ASTN2: variants seen among roughly 807,000 people sequenced by gnomAD.
The protein encoded by ASTN2 is astrotactin-2.
A neutral mutation model predicts 139.8 loss-of-function variants in ASTN2; 54 were observed. The ratio of observed to expected loss-of-function variants is 0.39; its 90% CI spans 0.31 to 0.48. The LOEUF is 0.48. ASTN2 is among the 20% of genes least tolerant of loss of function. The pLI, the probability that ASTN2 is intolerant of heterozygous loss-of-function variation, is 0.95. For synonymous variants in ASTN2, 756 were observed against 719.5 expected (o/e 1.05, Z -0.81); for missense variants, 1,565 against 1,725.1 (o/e 0.91, Z 1.64).
chr9:116,698,705 T>G lies in ASTN2; in HGVS notation c.2806+27066A>C, dbSNP rs773701865. 1.2e-6 allele frequency: 2 copies of G among 1,614,186 alleles called. No homozygotes were observed. The highest frequency in any genetic ancestry group is 2.2e-5 in the South Asian group (2 of 91,086). The stretch of plus-strand genomic sequence containing the variant: ...CGTCTGCTGCCTCTACCTCTGTTAC[T>G]TTTAGAGAGATGGACATGAGCCCGG... On this transcript the variant is annotated intron_variant, in intron 16 of 22. Coordinates refer to ENST00000313400, the MANE Select transcript of ASTN2 (RefSeq NM_001365068.1). This position sits in a 1 kb window ranked among gnomAD's most constrained non-coding sequence, Gnocchi z 4.4.
At chr9:116,748,220 C>T (rs1345147029) in intron 13 of ASTN2, among the ~76,000 whole-genome samples, 1 of 152,096 alleles carries the variant, frequency 6.6e-6, no homozygotes, top group Non-Finnish European at 1.5e-5. Flanking sequence ...GAAGATTAGC[C>T]CTGCCCCAGA....
intron 11 of ASTN2, among the ~76,000 whole-genome samples, chr9:116,850,383 A>G (rs73533350): frequency 0.014 from 2,084 of 152,320 alleles, 57 homozygotes; most frequent in African/African-American, 0.047. Context: ...GCCCAATGTC[A>G]TCAACTAGAA....
rs574142329 is a variant in ASTN2, at chr9:117,041,660, C to A, written c.1277-1695G>T. Among the ~76,000 whole-genome samples the A allele has an allele frequency of 8.5e-4, 130 of 152,292 alleles. 2 individuals are homozygous for A. The highest frequency in any genetic ancestry group is 3.0e-3 in the African/African-American group (125 of 41,562). On this transcript the variant is annotated intron_variant, in intron 5 of 22. Transcript: ENST00000313400. ...CAAGCTGTTTTACAGCATCTGGTTG[C>A]AGGATGTGATCCATATTCATTAGAC...
intron 2 of ASTN2, among the ~76,000 whole-genome samples, 166 bp downstream of exon 2, chr9:117,291,160 A>G (rs1834579949): frequency 1.3e-5 from 2 of 152,252 alleles, no homozygotes; most frequent in African/African-American, 2.4e-5. Context: ...GGTATGCATC[A>G]GTCCAAGTGA....
intron 13 of ASTN2, among the ~76,000 whole-genome samples, chr9:116,751,259 A>G (rs888417082): frequency 3.9e-5 from 6 of 152,224 alleles, no homozygotes; most frequent in African/African-American, 1.4e-4. Context: ...TGGGGTGGTA[A>G]AAGGAACAAT....
intron 3 of ASTN2, among the ~76,000 whole-genome samples, chr9:117,180,072 C>T (rs761545668): frequency 2.0e-5 from 3 of 152,208 alleles, no homozygotes; most frequent in Non-Finnish European, 2.9e-5. Flanking sequence ...TGTATCATCT[C>T]TTGGAGCATG....
intron 16 of ASTN2, among the ~76,000 whole-genome samples, chr9:116,681,312 T>C (rs1261707450): frequency 6.6e-6 from 1 of 152,090 alleles, no homozygotes; most frequent in East Asian, 1.9e-4. Flanking sequence ...GAATCCAACT[T>C]ACAAGGGACG....
chr9:117,382,448 T>C (rs1453818220), intron 1 of ASTN2, among the ~76,000 whole-genome samples: 1 of 152,122 alleles, frequency 6.6e-6, no homozygotes, highest in Non-Finnish European at 1.5e-5. Context: ...ACCAATGAGG[T>C]TGATTATTCA....
rs535095967 is a variant in ASTN2, at chr9:116,723,819, G to A, written c.2806+1952C>T. On this transcript the variant is annotated intron_variant, in intron 16 of 22. Coordinates refer to ENST00000313400, the MANE Select transcript of ASTN2 (RefSeq NM_001365068.1). ...CAATGCATCCTCTGTCCTTTTCTTG[G>A]GAGCAAGTATGGACGATGGAAGCAA... 2.0e-5 allele frequency among the ~76,000 whole-genome samples: 3 copies of A among 152,246 alleles called. No homozygotes were observed. In the East Asian group the frequency reaches 5.8e-4, roughly 29 times the overall value.
At chr9:116,843,725 G>A (rs1225298330) in intron 11 of ASTN2, among the ~76,000 whole-genome samples, 2 of 150,960 alleles carry the variant, frequency 1.3e-5, no homozygotes, top group African/African-American at 4.9e-5. Flanking sequence ...GGCAATAATA[G>A]ACACTGGGGA....
Position 117,141,345 on chromosome 9 carries a change from C to T in ASTN2, c.1149G>A (p.Lys383=). 2 of 1,367,502 alleles carry T rather than the reference C, an allele frequency of 1.5e-6. No individual in the cohort carries two copies. Among genetic ancestry groups the T allele is most frequent in the Non-Finnish European group, 2.0e-6 (2 of 1,021,776 alleles). The allele number at this position is 1,367,502 out of a possible 1,614,324, so 84.7% of individuals were successfully genotyped here. ...PLRSTSAGKR[K]RRSKSRGGIS... ...GCCTACCTCGAGACTTGCTCCTCCG[C>T]TTCCTCTTCCCTGCCGATGTGCTGC... is the stretch of plus-strand genomic sequence containing the variant. Residue 383 remains lysine, a synonymous_variant, in exon 4 of 23, where the codon AAG becomes AAA. Transcript: ENST00000313400.
chr9:116,988,036 G>T (rs1400745942), intron 7 of ASTN2, among the ~76,000 whole-genome samples: 1 of 152,158 alleles, frequency 6.6e-6, no homozygotes, highest in Non-Finnish European at 1.5e-5. Context: ...TTTACTTCTG[G>T]TATTTTCCAT....
chr9:117,161,455 G>A (rs1218968253), intron 3 of ASTN2, among the ~76,000 whole-genome samples: 2 of 152,006 alleles, frequency 1.3e-5, no homozygotes, highest in African/African-American at 4.8e-5. Context: ...GTGCAGTGGT[G>A]CAATCTCGGC....
At chr9:117,069,193 A>T in intron 5 of ASTN2, among the ~76,000 whole-genome samples, 1 of 83,060 alleles carries the variant, frequency 1.2e-5, no homozygotes, top group Non-Finnish European at 2.3e-5. Flanking sequence ...CGTCCCAGAG[A>T]TTCTGGTATG....
intron 5 of ASTN2, among the ~76,000 whole-genome samples, chr9:117,046,585 T>C (rs1838750050): frequency 1.3e-5 from 2 of 152,300 alleles, no homozygotes; most frequent in Admixed American, 6.5e-5. Flanking sequence ...GGCACCTACA[T>C]GGGCATCAGC....
intron 17 of ASTN2, among the ~76,000 whole-genome samples, chr9:116,648,407 C>T (rs950979773): frequency 6.6e-6 from 1 of 152,120 alleles, no homozygotes; most frequent in Non-Finnish European, 1.5e-5. Flanking sequence ...GCTGGGATTA[C>T]AGGCGTGAAC....
At chr9:116,662,972 C>T (rs559593184) in intron 16 of ASTN2, among the ~76,000 whole-genome samples, 2 of 152,292 alleles carry the variant, frequency 1.3e-5, no homozygotes, top group East Asian at 3.9e-4. Flanking sequence ...TCCAAAGGAG[C>T]TGAGATGGAT....
At chr9:116,993,373 C>A (rs1168175100) in intron 7 of ASTN2, among the ~76,000 whole-genome samples, 2 of 152,106 alleles carry the variant, frequency 1.3e-5, no homozygotes, top group African/African-American at 2.4e-5. Flanking sequence ...TGCTCCCACA[C>A]CTTTTCGGTT....
At chr9:116,798,400 G>C (rs1358148031) in intron 13 of ASTN2, among the ~76,000 whole-genome samples, 1 of 152,228 alleles carries the variant, frequency 6.6e-6, no homozygotes, top group Non-Finnish European at 1.5e-5. Context: ...ATGTAGTATA[G>C]TTCTCAGAGG....
Sources: gnomAD v4.1 joint callset for allele counts (sites outside exome capture counted in the v4.1 genomes callset) on GRCh38, gnomAD v4.1.1 for gene constraint, Gnocchi (gnomAD v3.1) non-coding constraint, MANE v1.5 for transcripts, NCBI Gene and HGNC (gene_info 2026-07-23, HGNC 2026-07-21) for gene names.